Variants in CCDC73 observed in about 807,000 individuals in gnomAD.
The protein encoded by CCDC73 is coiled-coil domain containing 73.
CCDC73 carries 95 observed loss-of-function variants against 116.5 expected under a neutral mutation model. That is an observed-to-expected ratio of 0.82 (90% CI 0.69 to 0.97). The LOEUF (loss-of-function observed/expected upper bound fraction) is 0.97. Among genes scored for constraint, CCDC73 ranks in the 50% least tolerant of loss-of-function variants. The pLI is 0.00. For missense variants in CCDC73, 1,066 were observed against 1,206.8 expected, an observed-to-expected ratio of 0.88 and a Z score of 1.73; for synonymous variants, 398 against 401.3, an observed-to-expected ratio of 0.99 and a Z score of 0.10.
At chr11:32,821,768 A>G in the CCDC73 span, among the ~76,000 whole-genome samples, 1 of 152,242 alleles carries the variant, frequency 6.6e-6, no homozygotes, top group Non-Finnish European at 1.5e-5. Context: ...CAGAAACCCC[A>G]GTTGCAATGC....
intron 2 of CCDC73, among the ~76,000 whole-genome samples, chr11:32,754,711 C>T (rs1386740856): frequency 6.6e-6 from 1 of 151,904 alleles, no homozygotes; most frequent in African/African-American, 2.4e-5. Flanking sequence ...AAAATACTGA[C>T]AGAACACAAA....
In CCDC73 at chr11:32,699,294, TCC is replaced by T; in HGVS notation, c.345_346del (p.Glu116LysfsTer17). 1 of 1,580,878 alleles carries T rather than the reference TCC, an allele frequency of 6.3e-7. No homozygotes were observed. On this transcript the variant is annotated frameshift_variant, in exon 6 of 18. Coordinates refer to ENST00000335185, the MANE Select transcript of CCDC73 (RefSeq NM_001008391.4). LOFTEE classifies it high-confidence loss of function. The stretch of plus-strand genomic sequence containing the variant: ...TTCCTTCAATCCTTCTATTTCTTTT[TCC>T]TTTATTTCTGTAGCAAGTTGATATT...
intron 13 of CCDC73, among the ~76,000 whole-genome samples, chr11:32,637,017 CTTTTTTTTTT>C (rs71063750): frequency 8.0e-5 from 7 of 87,940 alleles, no homozygotes; most frequent in African/African-American, 1.2e-4. Context: ...TTTTCTTTTT[CTTTTTTTTTT>C]TTTTTTTTTT....
In CCDC73 at chr11:32,751,540, C is replaced by T. The variant is rs115207644; in HGVS notation, c.135+8569G>A. Among the ~76,000 whole-genome samples the T allele has an allele frequency of 7.2e-3, 1,101 of 152,280 alleles. 17 individuals are homozygous for T. The highest frequency in any genetic ancestry group is 0.025 in the African/African-American group (1,058 of 41,536). ...TGGCTAGGGCTAGCCTGAATGCACC[C>T]GCCATAGACACCGGCTGGGTTCCGC... On this transcript the variant is annotated intron_variant, in intron 2 of 17. Coordinates refer to ENST00000335185, the MANE Select transcript of CCDC73 (RefSeq NM_001008391.4).
intron 2 of CCDC73, among the ~76,000 whole-genome samples, chr11:32,725,880 A>T (rs1382183979): frequency 6.6e-6 from 1 of 152,218 alleles, no homozygotes; most frequent in Non-Finnish European, 1.5e-5. Flanking sequence ...CAGTCTTATG[A>T]GGATAGGCTT....
chr11:32,744,969 C>T (rs11529260), intron 2 of CCDC73, among the ~76,000 whole-genome samples: 41,168 of 151,918 alleles, frequency 0.27, 6,447 homozygotes, highest in East Asian at 0.79. Flanking sequence ...TTTGCTCCTG[C>T]TTCTCTAGTT....
At chr11:32,704,377 G>A (rs573148928) in intron 3 of CCDC73, among the ~76,000 whole-genome samples, 29 of 152,220 alleles carry the variant, frequency 1.9e-4, no homozygotes, top group African/African-American at 6.3e-4. Flanking sequence ...GGGCAATGTC[G>A]CAACCAGGAC....
intron 14 of CCDC73, among the ~76,000 whole-genome samples, chr11:32,625,195 C>T (rs111936402): frequency 0.029 from 4,423 of 152,226 alleles, 83 homozygotes; most frequent in Non-Finnish European, 0.039. Context: ...GATGGGTTTC[C>T]TGAATACAGC....
intron 16 of CCDC73, among the ~76,000 whole-genome samples, chr11:32,611,695 CCA>C (rs1177940424): frequency 6.6e-6 from 1 of 152,058 alleles, no homozygotes; most frequent in Non-Finnish European, 1.5e-5. Flanking sequence ...AAGAAATTGG[CCA>C]CAGTGAGAAG....
chr11:32,661,144 C>T (rs988209520), intron 9 of CCDC73, among the ~76,000 whole-genome samples: 2 of 152,020 alleles, frequency 1.3e-5, no homozygotes, highest in African/African-American at 2.4e-5. Flanking sequence ...AGCAGAATAT[C>T]AAATACCTTC....
At chr11:32,640,026 G>GT (rs1437360095) in intron 13 of CCDC73, among the ~76,000 whole-genome samples, 4 of 151,514 alleles carry the variant, frequency 2.6e-5, no homozygotes, top group Non-Finnish European at 5.9e-5. Flanking sequence ...CAGTATCTTT[G>GT]TTTTTTTAAC....
Position 32,776,275 on chromosome 11 carries a change from C to T in CCDC73, c.-15-16017G>A, listed in dbSNP as rs574977505. ...CTGTTATCCCTTTATTTAATCTTCT[C>T]TCCCACTTCAATCTATTGTGCATAT... On this transcript the variant is annotated intron_variant, in intron 1 of 17. Coordinates refer to ENST00000335185, the MANE Select transcript of CCDC73 (RefSeq NM_001008391.4). 7.2e-5 allele frequency among the ~76,000 whole-genome samples: 11 copies of T among 152,166 alleles called. No individual in the cohort carries two copies. In the East Asian group the frequency reaches 1.4e-3, roughly 19 times the overall value.
At chr11:32,754,703 A>G (rs1204236563) in intron 2 of CCDC73, among the ~76,000 whole-genome samples, 1 of 152,132 alleles carries the variant, frequency 6.6e-6, no homozygotes, top group African/African-American at 2.4e-5. Flanking sequence ...ATCTCTTTAA[A>G]ATACTGACAG....
intron 1 of CCDC73, among the ~76,000 whole-genome samples, chr11:32,787,989 C>A (rs1281679426): frequency 2.6e-5 from 4 of 152,110 alleles, no homozygotes; most frequent in Non-Finnish European, 5.9e-5. Context: ...AAGTGCCAAG[C>A]TGGAACTGAT....
At chr11:32,674,107 C>T (rs545478070) in intron 9 of CCDC73, among the ~76,000 whole-genome samples, 2 of 152,226 alleles carry the variant, frequency 1.3e-5, no homozygotes, top group Admixed American at 1.3e-4. Flanking sequence ...TTGATGCAAC[C>T]CATATACATA....
At chr11:32,830,495 TTG>T in the CCDC73 span, 9 of 1,474,316 alleles carry the variant, frequency 6.1e-6, no homozygotes, top group Non-Finnish European at 8.1e-6. Flanking sequence ...ATATTTTTTT[TTG>T]TTTGTTTTAG....
intron 2 of CCDC73, among the ~76,000 whole-genome samples, chr11:32,737,862 C>G (rs1850149407): frequency 6.6e-6 from 1 of 152,054 alleles, no homozygotes; most frequent in East Asian, 1.9e-4. Flanking sequence ...TTCCCAGCCT[C>G]TAGTAACCAT....
chr11:32,624,349 A>AAATAAATAAAT (rs1565059307), intron 14 of CCDC73, among the ~76,000 whole-genome samples: 2 of 151,410 alleles, frequency 1.3e-5, no homozygotes, highest in African/African-American at 4.9e-5. Context: ...AAAAAATAAA[A>AAATAAATAAAT]AAATAAATAA....
intron 9 of CCDC73, among the ~76,000 whole-genome samples, chr11:32,661,289 T>C (rs1335380744): frequency 6.6e-6 from 1 of 152,188 alleles, no homozygotes; most frequent in Non-Finnish European, 1.5e-5. Context: ...TCTTCATCAA[T>C]TGGAGTGAAT....
Sources: gnomAD v4.1 joint callset for allele counts (sites outside exome capture counted in the v4.1 genomes callset) on GRCh38, gnomAD v4.1.1 for gene constraint, MANE v1.5 for transcripts, NCBI Gene and HGNC (gene_info 2026-07-23, HGNC 2026-07-21) for gene names.